Variants in TET3 observed in about 807,000 individuals in gnomAD.
TET3 encodes tet methylcytosine dioxygenase 3, also known as methylcytosine dioxygenase TET3.
A neutral mutation model predicts 141.4 loss-of-function variants in TET3; 19 were observed. The ratio of observed to expected loss-of-function variants is 0.13; its 90% CI spans 0.09 to 0.20. TET3 has a LOEUF of 0.20. Among genes scored for constraint, TET3 ranks in the 10% least tolerant of loss-of-function variants. The pLI is 1.00. For missense variants in TET3, 1,874 were observed against 2,356.9 expected (o/e 0.80, Z 4.24); for synonymous variants, 1,043 against 980.9 (o/e 1.06, Z -1.18).
intron 2 of TET3, among the ~76,000 whole-genome samples, chr2:73,992,049 G>T (rs968311566): frequency 6.6e-6 from 1 of 152,110 alleles, no homozygotes; most frequent in Non-Finnish European, 1.5e-5. Context: ...GAGTCCAGTG[G>T]CCAGAATGTG....
At chr2:74,021,603 G>T (rs552826979) in intron 3 of TET3, among the ~76,000 whole-genome samples, 275 of 152,220 alleles carry the variant, frequency 1.8e-3, no homozygotes, top group African/African-American at 5.7e-3. Context: ...AACCCCATAG[G>T]ATTATGGGAA....
In TET3 at chr2:74,100,821, G is replaced by C. The variant is rs1363202932; in HGVS notation, c.4033G>C (p.Val1345Leu). 1 of 1,612,552 alleles carries C rather than the reference G, an allele frequency of 6.2e-7. No individual in the cohort carries two copies. The highest frequency in any genetic ancestry group is 8.5e-7 in the Non-Finnish European group (1 of 1,179,418). Residue 1345 changes from valine to leucine, a missense_variant, in exon 12 of 12, where the codon GTT becomes CTT. Val to Leu is a conservative substitution (Grantham distance 32). This residue lies in a region of TET3 where 602 missense variants were observed against 590.2 expected (regional missense o/e 1.02). Coordinates refer to ENST00000409262, the MANE Select transcript of TET3 (RefSeq NM_001287491.2). ...AEFAELPSQA[V>L]PTDAHHPTPH... ...GTTTGCCGAGCTGCCCAGCCAGGCTGTTCCCACAGACGCCCACCACCCCAC... is the reference window on the plus strand; with the variant it reads ...GTTTGCCGAGCTGCCCAGCCAGGCTCTTCCCACAGACGCCCACCACCCCAC...
chr2:74,133,235 G>T, the TET3 span, among the ~76,000 whole-genome samples: 1 of 152,120 alleles, frequency 6.6e-6, no homozygotes, highest in Non-Finnish European at 1.5e-5. Context: ...TCTTCAACCC[G>T]TCTGTCAATA....
chr2:73,989,314 T>C (rs1684210367), intron 2 of TET3, among the ~76,000 whole-genome samples: 1 of 152,132 alleles, frequency 6.6e-6, no homozygotes, highest in Non-Finnish European at 1.5e-5. Context: ...CATCAGACCA[T>C]TTACCTGCAT....
chr2:74,052,529 T>G (rs1257249255), intron 4 of TET3, among the ~76,000 whole-genome samples: 1 of 146,672 alleles, frequency 6.8e-6, no homozygotes, highest in Non-Finnish European at 1.5e-5. Flanking sequence ...GGGAACAACT[T>G]TATAAAAGCA....
intron 6 of TET3, among the ~76,000 whole-genome samples, chr2:74,083,298 G>T (rs1689936876): frequency 6.6e-6 from 1 of 152,210 alleles, no homozygotes; most frequent in African/African-American, 2.4e-5. Context: ...CAGCAAGATG[G>T]GCTCTGGGAA....
intron 2 of TET3, chr2:73,998,568 C>G (rs1475757823): frequency 2.0e-5 from 3 of 152,748 alleles, no homozygotes; most frequent in Non-Finnish European, 4.4e-5. Context: ...GCTGCTCCAC[C>G]TCCTCAGCCT....
At chr2:74,065,526 T>A (rs1241969194) in intron 4 of TET3, among the ~76,000 whole-genome samples, 1 of 151,244 alleles carries the variant, frequency 6.6e-6, no homozygotes, top group East Asian at 1.9e-4. Context: ...ATTAACCATT[T>A]CTCCAAGACC....
intron 5 of TET3, among the ~76,000 whole-genome samples, chr2:74,078,592 C>G (rs1689641265): frequency 6.6e-6 from 1 of 151,942 alleles, no homozygotes; most frequent in Non-Finnish European, 1.5e-5. Context: ...TTTCATTTTT[C>G]TGTTGTTGAT....
intron 4 of TET3, among the ~76,000 whole-genome samples, chr2:74,064,152 G>T (rs1032624199): frequency 6.6e-6 from 1 of 151,858 alleles, no homozygotes; most frequent in Admixed American, 6.6e-5. Flanking sequence ...TCTGAAGTCG[G>T]GATATAGCTT....
At chr2:73,984,238 G>C (rs1164383253), upstream of TET3, among the ~76,000 whole-genome samples, 1 of 152,232 alleles carries the variant, frequency 6.6e-6, no homozygotes, top group African/African-American at 2.4e-5. This position sits in a 1 kb window ranked among gnomAD's most constrained non-coding sequence, Gnocchi z 5.6. Context: ...CTTTGTTTTC[G>C]ACGCGAAAGA....
intron 4 of TET3, among the ~76,000 whole-genome samples, chr2:74,070,465 G>A (rs1011050694): frequency 6.6e-6 from 1 of 152,192 alleles, no homozygotes; most frequent in Admixed American, 6.5e-5. Flanking sequence ...AATTATGGGA[G>A]CTACAATTCA....
Position 74,047,980 on chromosome 2 carries a change from C to G in TET3, c.2063C>G (p.Pro688Arg). ...PPTQEMRSPS[P>R]MTALQPGSTG... ...ACTCAGGAAATGAGGTCCCCCAGCCCCATGACAGCCTTGCAGCCAGGCTCC... is the reference window on the plus strand; with the variant it reads ...ACTCAGGAAATGAGGTCCCCCAGCCGCATGACAGCCTTGCAGCCAGGCTCC... Residue 688 changes from proline (P) to arginine (R), a missense_variant, in exon 4 of 12, where the codon CCC (proline) becomes CGC (arginine). Around this residue, in one of 10 missense-constraint regions of TET3, gnomAD observed 484 missense variants for 462.2 expected, o/e 1.05. Coordinates refer to ENST00000409262, the MANE Select transcript of TET3 (RefSeq NM_001287491.2). The G allele has an allele frequency of 6.2e-7, 1 of 1,611,026 alleles. No homozygotes were observed. The highest frequency in any genetic ancestry group is 8.5e-7 in the Non-Finnish European group (1 of 1,178,428).
intron 4 of TET3, among the ~76,000 whole-genome samples, chr2:74,061,170 CGGGGCGGCCGGCCGGGCGGGGGGCTG>C: frequency 6.9e-6 from 1 of 145,436 alleles, no homozygotes; most frequent in African/African-American, 2.5e-5. Context: ...CCCTCCCGGA[CGGGGCGGCCGGCCGGGCGGGGGGCTG>C]ACCCCCCCAC....
chr2:74,071,167 C>G (rs1689183936), intron 4 of TET3, among the ~76,000 whole-genome samples: 2 of 152,168 alleles, frequency 1.3e-5, no homozygotes, highest in African/African-American at 4.8e-5. Context: ...GAAGCAAGCT[C>G]TCTGGTATCC....
chr2:74,093,452 A>C lies in TET3; in HGVS notation c.3130-77A>C. 6.8e-7 allele frequency: 1 copy of C among 1,478,738 alleles called. No individual in the cohort carries two copies. Among genetic ancestry groups the C allele is most frequent in the South Asian group, 1.4e-5 (1 of 70,788 alleles). 91.6% of individuals were successfully genotyped at this position (1,478,738 alleles called of 1,614,324 possible). A position where few individuals can be genotyped will look rare whatever the true frequency, so the allele number is the denominator to read the frequency against. On this transcript the variant is annotated intron_variant, in intron 9 of 11. Transcript: ENST00000409262. The surrounding 1 kb of genome is among the most constrained non-coding windows in gnomAD (Gnocchi z 4.2). ...CATCCTTAACATCCCTCCTTCCAAGACCTGGCCTCCCCAGGTGCAGAATCG... is the reference window on the plus strand; with the variant it reads ...CATCCTTAACATCCCTCCTTCCAAGCCCTGGCCTCCCCAGGTGCAGAATCG...
At chr2:74,022,094 C>CCTTTTTTTTTTTTTT (rs57671706) in intron 3 of TET3, among the ~76,000 whole-genome samples, 3 of 82,768 alleles carry the variant, frequency 3.6e-5, no homozygotes, top group African/African-American at 1.0e-4. Flanking sequence ...TTCTAGGACA[C>CCTTTTTTTTTTTTTT]TTTTTTTTTT....
At chr2:74,060,948 C>CA (rs1205639260) in intron 4 of TET3, among the ~76,000 whole-genome samples, 1 of 152,202 alleles carries the variant, frequency 6.6e-6, no homozygotes, top group Non-Finnish European at 1.5e-5. Context: ...TCCGATTTCT[C>CA]AATCTTTTCC....
In TET3 at chr2:74,093,462, C is replaced by T; in HGVS notation, c.3130-67C>T. 2.0e-6 allele frequency: 3 copies of T among 1,492,676 alleles called. No individual in the cohort carries two copies. The highest frequency in any genetic ancestry group is 2.7e-6 in the Non-Finnish European group (3 of 1,113,302). 92.5% of individuals were successfully genotyped at this position (1,492,676 alleles called of 1,614,324 possible). A position where few individuals can be genotyped will look rare whatever the true frequency, so the allele number is the denominator to read the frequency against. ...ATCCCTCCTTCCAAGACCTGGCCTC[C>T]CCAGGTGCAGAATCGGGGCCACTCA... On this transcript the variant is annotated intron_variant, in intron 9 of 11. Coordinates refer to ENST00000409262, the MANE Select transcript of TET3 (RefSeq NM_001287491.2). The surrounding 1 kb of genome is among the most constrained non-coding windows in gnomAD (Gnocchi z 4.2).
Sources: allele counts gnomAD v4.1 joint callset (sites outside exome capture counted in the v4.1 genomes callset), GRCh38; gene constraint gnomAD v4.1.1; regional missense constraint gnomAD v4.1.1; non-coding constraint Gnocchi (gnomAD v3.1); transcripts MANE v1.5; gene names NCBI Gene and HGNC (gene_info 2026-07-23, HGNC 2026-07-21).